The following RAD51B variants were observed in gnomAD, a reference collection of about 807,000 sequenced individuals.
RAD51B encodes RAD51 paralog B.
A neutral mutation model predicts 42.2 loss-of-function variants in RAD51B; 38 were observed. The ratio of observed to expected loss-of-function variants is 0.90; its 90% CI spans 0.70 to 1.18. RAD51B has a LOEUF of 1.18. Among genes scored for constraint, RAD51B ranks in the 50% most tolerant of loss-of-function variants. The pLI is 0.00. For synonymous variants in RAD51B, 154 were observed against 145.2 expected (o/e 1.06, Z -0.43); for missense variants, 373 against 400.7 (o/e 0.93, Z 0.59).
chr14:68,073,128 T>C (rs2076779917), intron 7 of RAD51B, among the ~76,000 whole-genome samples: 1 of 152,226 alleles, frequency 6.6e-6, no homozygotes, highest in Admixed American at 6.5e-5. Flanking sequence ...GTGTTGGAAG[T>C]TTCCCACTAT....
intron 7 of RAD51B, among the ~76,000 whole-genome samples, chr14:68,256,291 G>C (rs1443492302): frequency 6.6e-6 from 1 of 152,172 alleles, no homozygotes; most frequent in East Asian, 1.9e-4. Context: ...CTGACCATTT[G>C]ATGTCTGCTG....
At chr14:68,106,641 G>GAATGAGTTT (rs2077381092) in intron 7 of RAD51B, among the ~76,000 whole-genome samples, 2 of 151,848 alleles carry the variant, frequency 1.3e-5, no homozygotes, top group Non-Finnish European at 2.9e-5. Flanking sequence ...GCAGGGTATG[G>GAATGAGTTT]TAGCACTGTG....
At position 68,584,512 on chromosome 14, in the gene RAD51B, C is replaced by T. The variant is rs550628347; in HGVS notation, c.1037-9973C>T. On this transcript the variant is annotated intron_variant, in intron 10 of 10. Coordinates refer to the RAD51B transcript ENST00000487270. Reference sequence around the variant, plus strand: ...TTGCCCTCCTGCCCTGATCAGCCTTCCCTATAGAACCTTACCTCCCAATGT... The same window carrying T: ...TTGCCCTCCTGCCCTGATCAGCCTTTCCTATAGAACCTTACCTCCCAATGT... Among the ~76,000 whole-genome samples, 3 of 152,340 alleles carry T rather than the reference C, an allele frequency of 2.0e-5. No individual in the cohort carries two copies. In the South Asian group the frequency reaches 6.2e-4, roughly 32 times the overall value.
intron 9 of RAD51B, among the ~76,000 whole-genome samples, chr14:68,449,968 T>C (rs1281320656): frequency 2.6e-5 from 4 of 152,178 alleles, no homozygotes; most frequent in Admixed American, 1.3e-4. Context: ...GAGCTCTAGT[T>C]TACTTCTAAA....
chr14:67,906,831 C>T (rs540824028), intron 7 of RAD51B, among the ~76,000 whole-genome samples: 8 of 150,864 alleles, frequency 5.3e-5, no homozygotes, highest in African/African-American at 1.2e-4. Flanking sequence ...TCTTTTTTGA[C>T]GAAATTTCAG....
At chr14:68,241,307 C>G (rs996328443) in intron 7 of RAD51B, among the ~76,000 whole-genome samples, 3 of 152,188 alleles carry the variant, frequency 2.0e-5, no homozygotes, top group Non-Finnish European at 2.9e-5. Flanking sequence ...CTTCGGGAGG[C>G]CTAAGCAGGT....
At chr14:68,357,149 A>G (rs1260936067) in intron 8 of RAD51B, among the ~76,000 whole-genome samples, 2 of 152,238 alleles carry the variant, frequency 1.3e-5, no homozygotes, top group Admixed American at 6.5e-5. Context: ...TGCTTTGTCA[A>G]CTAAGTTTCT....
intron 10 of RAD51B, among the ~76,000 whole-genome samples, chr14:68,641,847 C>G (rs1000383903): frequency 2.2e-4 from 33 of 147,952 alleles, no homozygotes; most frequent in Admixed American, 1.8e-3. Flanking sequence ...AGGTGTGAGC[C>G]ACCATGCCTG....
intron 7 of RAD51B, among the ~76,000 whole-genome samples, chr14:67,891,081 A>G (rs1307200192): frequency 6.6e-6 from 1 of 152,132 alleles, no homozygotes; most frequent in Non-Finnish European, 1.5e-5. Flanking sequence ...TCAACAAATC[A>G]ATTTCAGTTG....
At position 68,073,970 on chromosome 14, in the gene RAD51B, A is replaced by G. The variant is rs145805588; in HGVS notation, c.756+186766A>G. On this transcript the variant is annotated intron_variant, in intron 7 of 10. Transcript: ENST00000471583. ...GTGCCTTTAATATTTTTTCTCTCACATTGATGTTGGAGGATTTGACGACTG... is the reference window on the plus strand; with the variant it reads ...GTGCCTTTAATATTTTTTCTCTCACGTTGATGTTGGAGGATTTGACGACTG... Among the ~76,000 whole-genome samples, 585 of 152,012 alleles carry G rather than the reference A, an allele frequency of 3.8e-3. 1 individual carries two copies. Among genetic ancestry groups the G allele is most frequent in the Non-Finnish European group, 5.9e-3 (403 of 67,970 alleles).
At chr14:68,084,260 A>G (rs1413419860) in intron 7 of RAD51B, among the ~76,000 whole-genome samples, 2 of 152,226 alleles carry the variant, frequency 1.3e-5, no homozygotes, top group Non-Finnish European at 2.9e-5. Context: ...TTTACAGAGG[A>G]AGTTAACAGG....
At chr14:67,826,935 G>A (rs1594960934) in intron 3 of RAD51B, among the ~76,000 whole-genome samples, 3 of 152,050 alleles carry the variant, frequency 2.0e-5, no homozygotes, top group Admixed American at 2.0e-4. Context: ...CTCCCGCCTC[G>A]GCCTCCCCAA....
At chr14:68,655,565 G>T (rs1053726572) in intron 11 of RAD51B, among the ~76,000 whole-genome samples, 6 of 152,222 alleles carry the variant, frequency 3.9e-5, no homozygotes, top group Non-Finnish European at 7.4e-5. Flanking sequence ...GGCAGATTTA[G>T]TTCATCCTGG....
intron 3 of RAD51B, 47 bp from the exon 4 acceptor site, chr14:67,835,033 G>C: frequency 7.2e-7 from 1 of 1,396,412 alleles, no homozygotes. Flanking sequence ...TTATGTTTTT[G>C]AATATATATA....
rs370133958 is a variant in RAD51B, at chr14:68,082,786, T to A, written c.756+195582T>A. On this transcript the variant is annotated intron_variant, in intron 7 of 10. Transcript: ENST00000471583. ...TTCATTACAATGACTAATGTTGTTT[T>A]CTTAGTTTTCACTTTTCAATTCATT... Among the ~76,000 whole-genome samples the A allele has an allele frequency of 5.3e-5, 8 of 152,322 alleles. No homozygotes were observed. In the East Asian group the frequency reaches 9.6e-4, roughly 18 times the overall value.
At chr14:68,337,903 C>T (rs1038164757) in intron 8 of RAD51B, among the ~76,000 whole-genome samples, 2 of 152,296 alleles carry the variant, frequency 1.3e-5, no homozygotes, top group East Asian at 3.9e-4. Context: ...TCCTTAGTAG[C>T]TGGGACTACA....
chr14:67,824,352 G>A (rs1196418166), intron 2 of RAD51B, among the ~76,000 whole-genome samples: 1 of 152,090 alleles, frequency 6.6e-6, no homozygotes, highest in African/African-American at 2.4e-5. Context: ...CCTCCTCCCC[G>A]GTTCAAGTGA....
At chr14:68,079,548 A>G (rs1466965003) in intron 7 of RAD51B, among the ~76,000 whole-genome samples, 1 of 152,180 alleles carries the variant, frequency 6.6e-6, no homozygotes, top group East Asian at 1.9e-4. Flanking sequence ...TGTAGTATAT[A>G]ATATTACTAG....
intron 7 of RAD51B, among the ~76,000 whole-genome samples, chr14:68,120,847 GT>G (rs2077638659): frequency 6.6e-6 from 1 of 151,990 alleles, no homozygotes; most frequent in Non-Finnish European, 1.5e-5. Flanking sequence ...ATCCTCCCAA[GT>G]TTTTTTCCTT....
Sources: gnomAD v4.1 joint callset for allele counts (sites outside exome capture counted in the v4.1 genomes callset) on GRCh38, gnomAD v4.1.1 for gene constraint, MANE v1.5 for transcripts, NCBI Gene and HGNC (gene_info 2026-07-23, HGNC 2026-07-21) for gene names.